Variants in RPL28 observed in about 807,000 individuals in gnomAD.
The protein encoded by RPL28 is large ribosomal subunit protein eL28.
In RPL28, 4 loss-of-function variants were observed where a neutral mutation model predicts 12.5. That is an observed-to-expected ratio of 0.32 (90% CI 0.16 to 0.73). The LOEUF (loss-of-function observed/expected upper bound fraction) is 0.73, where lower values mean the gene tolerates loss of function less well. Among genes scored for constraint, RPL28 ranks in the 30% least tolerant of loss-of-function variants. The pLI is 0.66. For missense variants in RPL28, 214 were observed against 197.7 expected, an observed-to-expected ratio of 1.08 and a Z score of -0.49; for synonymous variants, 91 against 72.5, an observed-to-expected ratio of 1.26 and a Z score of -1.30.
downstream of RPL28, among the ~76,000 whole-genome samples, chr19:55,393,251 C>G (rs1023096363): frequency 2.1e-3 from 257 of 124,056 alleles, 16 homozygotes; most frequent in East Asian, 2.2e-3. Flanking sequence ...CGCACCCCCC[C>G]CCCCCCCCGA....
downstream of RPL28, among the ~76,000 whole-genome samples, chr19:55,395,522 C>G (rs1347688301): frequency 2.0e-5 from 3 of 151,060 alleles, no homozygotes; most frequent in Non-Finnish European, 2.9e-5. Context: ...CGGCTCACTG[C>G]AAGCTCCGCC....
chr19:55,396,652 C>T (rs1398843925), downstream of RPL28, among the ~76,000 whole-genome samples: 2 of 139,346 alleles, frequency 1.4e-5, no homozygotes, highest in East Asian at 4.6e-4. Context: ...AGTGCAGTGG[C>T]TCACTGCAAG....
exon 5 of RPL28, chr19:55,403,061 G>C (rs74593881): frequency 7.3e-7 from 1 of 1,363,818 alleles, no homozygotes; most frequent in East Asian, 2.5e-5. Context: ...GAGCCATCTC[G>C]TACGCTGCAG....
At chr19:55,402,847 T>C in intron 4 of RPL28, 1 of 1,030,768 alleles carries the variant, frequency 9.7e-7, no homozygotes. Context: ...AGCTCAATCC[T>C]CTCCCTCCCC....
chr19:55,395,707 T>C (rs994419598), downstream of RPL28, among the ~76,000 whole-genome samples: 4 of 151,692 alleles, frequency 2.6e-5, no homozygotes, highest in African/African-American at 4.8e-5. Context: ...CCTCCCAAAG[T>C]GCTGGGATTA....
chr19:55,386,885 G>A, intron 3 of RPL28, 192 bp downstream of exon 3: 7 of 1,538,426 alleles, frequency 4.6e-6, no homozygotes, highest in Non-Finnish European at 6.1e-6. Context: ...GTCTGAGCCC[G>A]TGTCCTCACC....
At chr19:55,400,341 T>C (rs954077353) in intron 4 of RPL28, 6 of 152,216 alleles carry the variant, frequency 3.9e-5, no homozygotes, top group African/African-American at 1.4e-4. Flanking sequence ...TTAAAATTAA[T>C]GAGACATTGG....
chr19:55,390,606 C>G lies in RPL28; in HGVS notation c.*2274C>G, dbSNP rs1235115078. 2.0e-5 allele frequency: 20 copies of G among 985,632 alleles called. No homozygotes were observed. The Admixed American group carries it at 6.2e-4, about 30-fold the overall frequency. 61.1% of individuals were successfully genotyped at this position (985,632 alleles called of 1,614,324 possible). ...CCCTGTGGAGTCCTGCTGGCTTTCT[C>G]CATCCCTATCTGAATCCTCCCTGCT... On this transcript the variant is annotated 3_prime_UTR_variant, in exon 5 of 5. Transcript: ENST00000344063.
intron 4 of RPL28, among the ~76,000 whole-genome samples, chr19:55,402,506 T>C (rs1324927559): frequency 6.6e-6 from 1 of 152,176 alleles, no homozygotes; most frequent in Non-Finnish European, 1.5e-5. Context: ...CCCAGCTGGA[T>C]CCTCTGAAGT....
At chr19:55,401,050 C>G (rs1243111108) in intron 4 of RPL28, 1 of 236,978 alleles carries the variant, frequency 4.2e-6, no homozygotes, top group Non-Finnish European at 8.3e-6. Context: ...GCTCCAGGTC[C>G]TCGCCCCATT....
At chr19:55,393,244 A>ACCT (rs2090002614), downstream of RPL28, among the ~76,000 whole-genome samples, 128 of 99,916 alleles carry the variant, frequency 1.3e-3, 2 homozygotes, top group Non-Finnish European at 1.7e-3. Context: ...TGGCCGACGC[A>ACCT]CCCCCCCCCC....
At chr19:55,398,019 A>G (rs903496099) in intron 4 of RPL28, among the ~76,000 whole-genome samples, 1 of 151,886 alleles carries the variant, frequency 6.6e-6, no homozygotes, top group African/African-American at 2.4e-5. Flanking sequence ...AACATGGTGA[A>G]ACCCTGTCTC....
intron 4 of RPL28, chr19:55,401,187 G>A (rs968553388): frequency 1.2e-5 from 7 of 569,626 alleles, no homozygotes; most frequent in African/African-American, 1.9e-5. Context: ...AGTCCATGAG[G>A]CTTTACAAGG....
At position 55,391,372 on chromosome 19, in the gene RPL28, G is replaced by A; in HGVS notation, c.*3040G>A. 2 of 1,236,086 alleles carry A rather than the reference G, an allele frequency of 1.6e-6. No homozygotes were observed. The highest frequency in any genetic ancestry group is 2.0e-6 in the Non-Finnish European group (2 of 980,650). The allele number at this position is 1,236,086 out of a possible 1,614,324, so 76.6% of individuals were successfully genotyped here. ...CATTTTGAGTGCCTTTCACAGCCCT[G>A]CATAAGGCAGGTGTCTCAGTGTTCA... On this transcript the variant is annotated 3_prime_UTR_variant, in exon 5 of 5. Coordinates refer to ENST00000344063, the MANE Select transcript of RPL28 (RefSeq NM_000991.5).
At chr19:55,386,077 A>G (rs2089920019) in intron 1 of RPL28, 112 bp downstream of exon 1, 2 of 438,500 alleles carry the variant, frequency 4.6e-6, no homozygotes, top group African/African-American at 2.0e-5. Flanking sequence ...GCGGACCCCA[A>G]CCCCTCCCCG....
In RPL28 at chr19:55,401,549, C is replaced by T; in HGVS notation, c.325-1394C>T. The stretch of plus-strand genomic sequence containing the variant: ...GGACCCTCAGCCCCTCCCGGGCCCC[C>T]TGGGGCCCCAGGGTCGGTGGAGGAA... On this transcript the variant is annotated intron_variant, in intron 4 of 4. Coordinates refer to the RPL28 transcript ENST00000560055. The T allele has an allele frequency of 2.5e-6, 4 of 1,610,642 alleles. No homozygotes were observed. In the South Asian group the frequency reaches 4.4e-5, roughly 18 times the overall value.
rs2090058568 is a variant in RPL28, at chr19:55,401,555, C to T, written c.325-1388C>T. ...TCAGCCCCTCCCGGGCCCCCTGGGG[C>T]CCCAGGGTCGGTGGAGGAAGCTTCA... is the stretch of plus-strand genomic sequence containing the variant. On this transcript the variant is annotated intron_variant, in intron 4 of 4. Transcript: ENST00000560055. The T allele has an allele frequency of 2.5e-6, 4 of 1,610,352 alleles. No homozygotes were observed. In the African/African-American group the frequency reaches 4.0e-5, roughly 16 times the overall value.
intron 4 of RPL28, chr19:55,400,823 T>G (rs2090051655): frequency 6.5e-6 from 1 of 152,926 alleles, no homozygotes; most frequent in Non-Finnish European, 1.5e-5. Flanking sequence ...CAGGCTTTGC[T>G]GCCCACAAGG....
chr19:55,391,760 CT>C lies in RPL28; in HGVS notation c.*3433del. 6.7e-7 allele frequency: 1 copy of C among 1,485,968 alleles called. No homozygotes were observed. Among genetic ancestry groups the C allele is most frequent in the Non-Finnish European group, 9.0e-7 (1 of 1,105,620 alleles). The allele number at this position is 1,485,968 out of a possible 1,614,324, so 92.0% of individuals were successfully genotyped here. ...CCTGATTGTAGGAATAAATTAATGA[CT>C]TTTTATAAATATTTTGATCAGATGG... On this transcript the variant is annotated 3_prime_UTR_variant, in exon 5 of 5. Coordinates refer to ENST00000344063, the MANE Select transcript of RPL28 (RefSeq NM_000991.5).
Sources: allele counts gnomAD v4.1 joint callset (sites outside exome capture counted in the v4.1 genomes callset), GRCh38; gene constraint gnomAD v4.1.1; transcripts MANE v1.5; gene names NCBI Gene and HGNC (gene_info 2026-07-23, HGNC 2026-07-21).